ATF1: variants seen among roughly 807,000 people sequenced by gnomAD.
The protein encoded by ATF1 is activating transcription factor 1, also known as cyclic AMP-dependent transcription factor ATF-1.
In ATF1, 16 loss-of-function variants were observed where a neutral mutation model predicts 34.7. The observed-to-expected ratio is 0.46, with a 90% CI of 0.31 to 0.70. ATF1 has a LOEUF of 0.70. Among genes scored for constraint, ATF1 ranks in the 30% least tolerant of loss-of-function variants. ATF1 has a pLI of 0.05. For missense variants in ATF1, 255 were observed against 321.6 expected (o/e 0.79, Z 1.58); for synonymous variants, 105 against 113.1 (o/e 0.93, Z 0.46).
At chr12:50,815,425 A>G (rs146366130) in intron 6 of ATF1, among the ~76,000 whole-genome samples, 1 of 152,146 alleles carries the variant, frequency 6.6e-6, no homozygotes, top group Admixed American at 6.5e-5. Flanking sequence ...TCACTGTGTC[A>G]CCCACACTGG....
chr12:50,809,424 A>C (rs1313526763), intron 3 of ATF1, 32 bp from the exon 4 acceptor site: 3 of 1,475,416 alleles, frequency 2.0e-6, no homozygotes, highest in South Asian at 1.2e-5. Context: ...TCACATTACC[A>C]ATGTTTAATA....
At chr12:50,795,818 G>A (rs1279712454) in intron 2 of ATF1, 91 bp from the exon 3 acceptor site, 3 of 915,272 alleles carry the variant, frequency 3.3e-6, no homozygotes, top group Admixed American at 2.3e-5. Flanking sequence ...TGGAGTGGCA[G>A]GAGACAGATC....
chr12:50,811,502 G>T (rs1424758314), intron 4 of ATF1, among the ~76,000 whole-genome samples: 1 of 151,594 alleles, frequency 6.6e-6, no homozygotes, highest in East Asian at 1.9e-4. Flanking sequence ...AGAAACTGGG[G>T]GCCAGGCACT....
chr12:50,796,968 G>A (rs1941420393), intron 3 of ATF1, among the ~76,000 whole-genome samples: 1 of 152,116 alleles, frequency 6.6e-6, no homozygotes, highest in South Asian at 2.1e-4. Context: ...AAAATGAAAA[G>A]GCAACTTACG....
intron 5 of ATF1, 24 bp from the exon 6 acceptor site, chr12:50,814,256 C>G (rs771205092): frequency 3.4e-5 from 55 of 1,613,834 alleles, no homozygotes; most frequent in Non-Finnish European, 4.5e-5. Context: ...CTAACTAACT[C>G]ATTCACTCTT....
chr12:50,788,187 CT>C (rs113494562), intron 2 of ATF1: 77,090 of 353,662 alleles, frequency 0.22, no homozygotes, highest in South Asian at 0.33. Context: ...TATAGCCAAT[CT>C]TTTTTTTTTT....
chr12:50,812,269 T>C (rs201521298), intron 4 of ATF1, among the ~76,000 whole-genome samples: 1 of 152,122 alleles, frequency 6.6e-6, no homozygotes, highest in Non-Finnish European at 1.5e-5. Context: ...ATTAGGTTGG[T>C]GTAAAAGAAA....
At chr12:50,807,950 C>T (rs1047422911) in intron 3 of ATF1, among the ~76,000 whole-genome samples, 2 of 152,048 alleles carry the variant, frequency 1.3e-5, no homozygotes, top group Non-Finnish European at 2.9e-5. Flanking sequence ...GCTGGAATTA[C>T]AGGCGTGAGC....
intron 2 of ATF1, among the ~76,000 whole-genome samples, chr12:50,782,901 G>T (rs1319485010): frequency 6.6e-6 from 1 of 151,484 alleles, no homozygotes; most frequent in East Asian, 2.0e-4. Context: ...TATTGACCAG[G>T]CTGGTCTTGA....
At chr12:50,781,561 C>T (rs1354690548) in intron 2 of ATF1, among the ~76,000 whole-genome samples, 1 of 152,110 alleles carries the variant, frequency 6.6e-6, no homozygotes, top group Admixed American at 6.5e-5. Flanking sequence ...AACGATTCTC[C>T]TGCTTCAGCC....
intron 2 of ATF1, chr12:50,788,462 A>G (rs1026629674): frequency 1.5e-5 from 4 of 264,394 alleles, no homozygotes; most frequent in African/African-American, 2.4e-5. Flanking sequence ...CAGTGCTGGT[A>G]TGCGTGAGCC....
At chr12:50,795,572 A>T (rs1941391884) in intron 2 of ATF1, among the ~76,000 whole-genome samples, 1 of 152,064 alleles carries the variant, frequency 6.6e-6, no homozygotes, top group South Asian at 2.1e-4. Context: ...ATAAAACAAC[A>T]CTTTTAAGTA....
In ATF1 at chr12:50,802,840, C is replaced by G. The variant is rs1209185429; in HGVS notation, c.195-6616C>G. Among the ~76,000 whole-genome samples, 10 of 121,434 alleles carry G rather than the reference C, an allele frequency of 8.2e-5. No homozygotes were observed. The Admixed American group carries it at 9.7e-4, about 12-fold the overall frequency. 79.7% of individuals were successfully genotyped at this position (121,434 alleles called of 152,430 possible). A position where few individuals can be genotyped will look rare whatever the true frequency, so the allele number is the denominator to read the frequency against. ...TGAACTGAGAATGCACCACTGTACT[C>G]CAGCCTGGGTATCAGAAGGAGACTC... is the stretch of plus-strand genomic sequence containing the variant. On this transcript the variant is annotated intron_variant, in intron 3 of 6. Coordinates refer to ENST00000262053, the MANE Select transcript of ATF1 (RefSeq NM_005171.5).
At chr12:50,800,493 G>C (rs539413234) in intron 3 of ATF1, among the ~76,000 whole-genome samples, 40 of 152,296 alleles carry the variant, frequency 2.6e-4, no homozygotes, top group African/African-American at 9.6e-4. Flanking sequence ...CCAGGCCGTG[G>C]ATTGGTACCT....
intron 1 of ATF1, among the ~76,000 whole-genome samples, chr12:50,775,274 G>A (rs548896769): frequency 2.1e-4 from 32 of 151,910 alleles, no homozygotes; most frequent in African/African-American, 7.7e-4. Context: ...TATAATTATT[G>A]TCTAAAATGT....
chr12:50,794,436 G>C (rs955086118), intron 2 of ATF1, among the ~76,000 whole-genome samples: 1 of 151,502 alleles, frequency 6.6e-6, no homozygotes, highest in East Asian at 2.0e-4. Flanking sequence ...GTGGTGGCAC[G>C]TGGCTGTAAT....
intron 2 of ATF1, among the ~76,000 whole-genome samples, chr12:50,785,325 A>G (rs1338645850): frequency 6.7e-6 from 1 of 148,494 alleles, no homozygotes; most frequent in Non-Finnish European, 1.5e-5. Context: ...ACACACACAC[A>G]CACACACACA....
intron 2 of ATF1, among the ~76,000 whole-genome samples, chr12:50,786,595 G>A (rs1213909723): frequency 6.6e-6 from 1 of 152,116 alleles, no homozygotes; most frequent in Non-Finnish European, 1.5e-5. Context: ...TGGAAAAAAA[G>A]GCTTTAAGCC....
chr12:50,793,598 AC>A (rs1592185717), intron 2 of ATF1, among the ~76,000 whole-genome samples: 1 of 148,972 alleles, frequency 6.7e-6, no homozygotes, highest in East Asian at 2.0e-4. Flanking sequence ...GTGCTATTGC[AC>A]TCCAGCCTGG....
Sources: allele counts gnomAD v4.1 joint callset (sites outside exome capture counted in the v4.1 genomes callset), GRCh38; gene constraint gnomAD v4.1.1; transcripts MANE v1.5; gene names NCBI Gene and HGNC (gene_info 2026-07-23, HGNC 2026-07-21).